GNB4: variants seen among roughly 807,000 people sequenced by gnomAD.
GNB4 encodes guanine nucleotide-binding protein subunit beta-4.
In GNB4, 28 loss-of-function variants were observed where a neutral mutation model predicts 45.2. The observed-to-expected ratio is 0.62, with a 90% confidence interval of 0.46 to 0.85. GNB4 has a LOEUF of 0.85. Ranked by LOEUF, GNB4 falls within the 40% of genes least tolerant of loss-of-function variation. GNB4 has a pLI of 0.00. For synonymous variants in GNB4, 132 were observed against 143.7 expected (o/e 0.92, Z 0.58); for missense variants, 321 against 425.4 (o/e 0.75, Z 2.16).
chr3:179,442,021 G>A (rs1715606956), intron 1 of GNB4, among the ~76,000 whole-genome samples: 1 of 152,108 alleles, frequency 6.6e-6, no homozygotes. Flanking sequence ...TGGTCAGGCT[G>A]ATCTCAAACT....
At position 179,435,275 on chromosome 3, in the gene GNB4, C is replaced by G. The variant is rs146134268; in HGVS notation, c.-42-9033G>C. ...CTTCATTCCTAAGGCTTTCATGAAC[C>G]CATACTTCTCTGATTATCCTTGTAC... On this transcript the variant is annotated intron_variant, in intron 1 of 9. Transcript: ENST00000232564. Among the ~76,000 whole-genome samples, 9 of 152,168 alleles carry G rather than the reference C, an allele frequency of 5.9e-5. No individual in the cohort carries two copies. The East Asian group carries it at 1.7e-3, about 29-fold the overall frequency.
chr3:179,516,965 G>C, the GNB4 span, among the ~76,000 whole-genome samples: 6 of 152,120 alleles, frequency 3.9e-5, no homozygotes, highest in Admixed American at 3.9e-4. Flanking sequence ...AAGCGGCCTT[G>C]AGAAGAGTTT....
the GNB4 span, among the ~76,000 whole-genome samples, chr3:179,503,745 G>A: frequency 5.9e-5 from 9 of 152,318 alleles, no homozygotes; most frequent in Middle Eastern, 3.4e-3. Context: ...TTCATGGTGG[G>A]TTGGCTTATT....
intron 5 of GNB4, 96 bp from the exon 6 acceptor site, chr3:179,415,143 C>T (rs1459178461): frequency 1.1e-6 from 1 of 936,896 alleles, no homozygotes; most frequent in African/African-American, 1.7e-5. Context: ...AAAAATTAAA[C>T]ACATCTAAGA....
the GNB4 span, among the ~76,000 whole-genome samples, chr3:179,518,945 A>C: frequency 6.6e-6 from 1 of 152,220 alleles, no homozygotes; most frequent in South Asian, 2.1e-4. Flanking sequence ...AACAGGACTT[A>C]ATTAACCTCG....
chr3:179,487,374 G>A, the GNB4 span, among the ~76,000 whole-genome samples: 1 of 152,140 alleles, frequency 6.6e-6, no homozygotes, highest in African/African-American at 2.4e-5. Flanking sequence ...GTCATACATG[G>A]TGAGAACTAA....
At chr3:179,491,431 T>C in the GNB4 span, among the ~76,000 whole-genome samples, 1 of 152,112 alleles carries the variant, frequency 6.6e-6, no homozygotes, top group Non-Finnish European at 1.5e-5. Flanking sequence ...AAAGAGGAAA[T>C]GGTCAAACCT....
the GNB4 span, among the ~76,000 whole-genome samples, chr3:179,492,913 G>A: frequency 6.6e-6 from 1 of 152,188 alleles, no homozygotes; most frequent in African/African-American, 2.4e-5. Context: ...TGTCACCACT[G>A]CAGATACCTG....
At chr3:179,475,293 A>G in the GNB4 span, among the ~76,000 whole-genome samples, 3 of 150,850 alleles carry the variant, frequency 2.0e-5, no homozygotes, top group East Asian at 5.9e-4. Flanking sequence ...AATTTTTTGT[A>G]TTTTTATAAT....
At chr3:179,464,049 A>G in the GNB4 span, among the ~76,000 whole-genome samples, 2 of 152,210 alleles carry the variant, frequency 1.3e-5, no homozygotes, top group African/African-American at 2.4e-5. Context: ...GATTGTGGTA[A>G]CCATTTCACA....
chr3:179,408,802 AAAAG>A (rs1345908201), intron 8 of GNB4, among the ~76,000 whole-genome samples: 4 of 147,070 alleles, frequency 2.7e-5, no homozygotes, highest in Non-Finnish European at 4.6e-5. Flanking sequence ...AAAAAAAAGA[AAAAG>A]AAAGAAACTC....
the GNB4 span, among the ~76,000 whole-genome samples, chr3:179,524,695 T>C: frequency 1.3e-5 from 2 of 152,176 alleles, no homozygotes; most frequent in African/African-American, 4.8e-5. Context: ...GTAAAGTGTC[T>C]CAGGGTTGCT....
chr3:179,441,305 C>T (rs1037930299), intron 1 of GNB4, among the ~76,000 whole-genome samples: 1 of 152,246 alleles, frequency 6.6e-6, no homozygotes, highest in Non-Finnish European at 1.5e-5. Flanking sequence ...GCCTACCATA[C>T]ACCTAGGCTC....
chr3:179,479,790 A>G, the GNB4 span, among the ~76,000 whole-genome samples: 14 of 152,200 alleles, frequency 9.2e-5, no homozygotes, highest in African/African-American at 3.4e-4. Context: ...TCAGAATTAT[A>G]TTTTTCAAAT....
At chr3:179,464,477 A>G in the GNB4 span, 1 of 1,611,136 alleles carries the variant, frequency 6.2e-7, no homozygotes, top group Non-Finnish European at 8.5e-7. Context: ...CTGGAAGGAA[A>G]CTGGCCCAGC....
At chr3:179,420,488 G>A (rs1267452436) in intron 3 of GNB4, among the ~76,000 whole-genome samples, 5 of 148,988 alleles carry the variant, frequency 3.4e-5, no homozygotes, top group East Asian at 2.0e-4. Flanking sequence ...TTGAGACGGC[G>A]TCTCACTCTT....
the GNB4 span, among the ~76,000 whole-genome samples, chr3:179,478,534 T>TTTTTG: frequency 2.6e-5 from 4 of 151,954 alleles, no homozygotes; most frequent in Non-Finnish European, 4.4e-5. Context: ...GTTTTTTGGG[T>TTTTTG]TTTTGTTTTG....
At chr3:179,408,068 G>T (rs1223140115) in intron 8 of GNB4, among the ~76,000 whole-genome samples, 1 of 152,050 alleles carries the variant, frequency 6.6e-6, no homozygotes, top group African/African-American at 2.4e-5. Context: ...CTATGCCCCA[G>T]AGCAAATCTA....
the GNB4 span, chr3:179,465,003 A>C: frequency 6.5e-7 from 1 of 1,537,366 alleles, no homozygotes; most frequent in South Asian, 1.1e-5. Flanking sequence ...GGGGTGCATG[A>C]ACGTCCCGGA....
Sources: gnomAD v4.1 joint callset for allele counts (sites outside exome capture counted in the v4.1 genomes callset) on GRCh38, gnomAD v4.1.1 for gene constraint, MANE v1.5 for transcripts, NCBI Gene and HGNC (gene_info 2026-07-23, HGNC 2026-07-21) for gene names.